Variants in AGMO observed in about 807,000 individuals in gnomAD.
The protein encoded by AGMO is alkylglycerol monooxygenase.
AGMO carries 75 observed loss-of-function variants against 60.2 expected under a neutral mutation model. The observed-to-expected ratio is 1.25, with a 90% CI of 1.03 to 1.51. The LOEUF (loss-of-function observed/expected upper bound fraction) is 1.51. AGMO is among the 40% of genes most tolerant of loss of function. The pLI, the probability that AGMO is intolerant of heterozygous loss-of-function variation, is 0.00. For synonymous variants in AGMO, 261 were observed against 177.1 expected (o/e 1.47, Z -3.76); for missense variants, 763 against 525.5 (o/e 1.45, Z -4.42).
intron 9 of AGMO, among the ~76,000 whole-genome samples, chr7:15,386,199 A>AAG (rs1554264718): frequency 1.3e-5 from 2 of 151,552 alleles, no homozygotes; most frequent in African/African-American, 2.4e-5. Context: ...AAAAGAAAAA[A>AAG]AAGGTGATCT....
At chr7:15,144,577 T>C in the AGMO span, among the ~76,000 whole-genome samples, 5 of 152,218 alleles carry the variant, frequency 3.3e-5, no homozygotes, top group Non-Finnish European at 5.9e-5. Flanking sequence ...AGTATGCGCA[T>C]GCACGTTTTT....
intron 3 of AGMO, among the ~76,000 whole-genome samples, chr7:15,505,498 A>T (rs1783489999): frequency 6.6e-6 from 1 of 152,000 alleles, no homozygotes; most frequent in Non-Finnish European, 1.5e-5. Context: ...TGTTATTCCT[A>T]TATCATTCTA....
At chr7:15,365,486 C>A in intron 12 of AGMO, 28 bp downstream of exon 12, 1 of 1,501,710 alleles carries the variant, frequency 6.7e-7, no homozygotes, top group Non-Finnish European at 9.2e-7. Flanking sequence ...TATACGCCAT[C>A]CTGTGGCTAC....
intron 5 of AGMO, among the ~76,000 whole-genome samples, chr7:15,399,500 T>A (rs1015154499): frequency 1.3e-5 from 2 of 152,218 alleles, no homozygotes; most frequent in African/African-American, 4.8e-5. Context: ...GCACATTTTT[T>A]AAAACTGTTA....
chr7:15,230,276 T>TA (rs775091147), intron 12 of AGMO, among the ~76,000 whole-genome samples: 1 of 152,144 alleles, frequency 6.6e-6, no homozygotes, highest in Non-Finnish European at 1.5e-5. Context: ...AGCAAGAGTA[T>TA]AAAAGTGCTT....
intron 12 of AGMO, among the ~76,000 whole-genome samples, chr7:15,350,163 G>C (rs1395595746): frequency 6.6e-6 from 1 of 152,042 alleles, no homozygotes; most frequent in Non-Finnish European, 1.5e-5. Flanking sequence ...TTTCATCATA[G>C]TAATTTAAAT....
At chr7:15,261,873 C>T (rs185468016) in intron 12 of AGMO, among the ~76,000 whole-genome samples, 56 of 151,898 alleles carry the variant, frequency 3.7e-4, no homozygotes, top group African/African-American at 1.1e-3. Context: ...ATGTGATACA[C>T]CACATAAAGA....
downstream of AGMO, among the ~76,000 whole-genome samples, chr7:15,198,259 GAGA>G (rs1781185865): frequency 1.0e-5 from 1 of 99,322 alleles, no homozygotes. Flanking sequence ...GAGAGAGACA[GAGA>G]CAGAGAGAGA....
intron 10 of AGMO, among the ~76,000 whole-genome samples, chr7:15,373,171 G>A (rs1321570018): frequency 1.3e-5 from 2 of 151,944 alleles, no homozygotes; most frequent in African/African-American, 4.8e-5. Context: ...CCAGCTACTT[G>A]GGAGGTTAAG....
At chr7:15,556,226 T>C (rs903570460) in intron 2 of AGMO, among the ~76,000 whole-genome samples, 1 of 143,900 alleles carries the variant, frequency 6.9e-6, no homozygotes, top group Admixed American at 6.9e-5. Flanking sequence ...TTAGTTTTTT[T>C]TTTTTTTTTT....
chr7:15,251,642 C>T lies in AGMO; in HGVS notation c.1264-50283G>A, dbSNP rs554953944. Among the ~76,000 whole-genome samples the T allele has an allele frequency of 3.9e-4, 59 of 152,286 alleles. 1 individual carries two copies. The South Asian group carries it at 0.011, about 29-fold the overall frequency. Reference sequence around the variant, plus strand: ...CTAAGCATTTAGATTCAATGGACTGCCCAGTCTACGCAGAAGGATCTAGGA... The same window carrying T: ...CTAAGCATTTAGATTCAATGGACTGTCCAGTCTACGCAGAAGGATCTAGGA... On this transcript the variant is annotated intron_variant, in intron 12 of 12. Transcript: ENST00000342526.
At chr7:15,231,126 T>C (rs10248417) in intron 12 of AGMO, among the ~76,000 whole-genome samples, 116,349 of 152,016 alleles carry the variant, frequency 0.77, 44,944 homozygotes, top group African/African-American at 0.85. Flanking sequence ...TTTTCTGGAG[T>C]GTAACAAAAT....
chr7:15,119,929 T>C, the AGMO span, among the ~76,000 whole-genome samples: 1 of 109,494 alleles, frequency 9.1e-6, no homozygotes, highest in Non-Finnish European at 1.8e-5. Context: ...AAATCATGCA[T>C]GCTTTTTTTT....
At chr7:15,171,428 T>A in the AGMO span, among the ~76,000 whole-genome samples, 5 of 152,210 alleles carry the variant, frequency 3.3e-5, no homozygotes, top group Non-Finnish European at 5.9e-5. Context: ...GTATAAAGTA[T>A]ACACTTCTTT....
chr7:15,274,528 G>A (rs190749038), intron 12 of AGMO, among the ~76,000 whole-genome samples: 153 of 151,774 alleles, frequency 1.0e-3, no homozygotes, highest in African/African-American at 3.5e-3. Flanking sequence ...ATTGGTCTAT[G>A]TTTTTATTTT....
intron 10 of AGMO, among the ~76,000 whole-genome samples, chr7:15,374,346 A>G (rs558940958): frequency 2.0e-5 from 3 of 152,290 alleles, no homozygotes; most frequent in South Asian, 2.1e-4. Flanking sequence ...CATAATAAAT[A>G]TATCAAAGGT....
chr7:15,527,608 T>G (rs1460000390), intron 3 of AGMO, among the ~76,000 whole-genome samples: 1 of 152,198 alleles, frequency 6.6e-6, no homozygotes, highest in Non-Finnish European at 1.5e-5. Context: ...CTAAGACCAT[T>G]CAAGGTGGCT....
the AGMO span, among the ~76,000 whole-genome samples, chr7:15,177,585 CCT>C: frequency 6.6e-6 from 1 of 152,088 alleles, no homozygotes; most frequent in Non-Finnish European, 1.5e-5. Flanking sequence ...ACCCAGTACA[CCT>C]CTCTTTTTCC....
chr7:15,535,776 C>T (rs1198465805), intron 3 of AGMO, among the ~76,000 whole-genome samples: 1 of 151,826 alleles, frequency 6.6e-6, no homozygotes, highest in African/African-American at 2.4e-5. Context: ...ACATATTTAT[C>T]CTTTAGGCTA....
Sources: gnomAD v4.1 joint callset for allele counts (sites outside exome capture counted in the v4.1 genomes callset) on GRCh38, gnomAD v4.1.1 for gene constraint, MANE v1.5 for transcripts, NCBI Gene and HGNC (gene_info 2026-07-23, HGNC 2026-07-21) for gene names.